The following SH3KBP1 variants were observed in gnomAD, a reference collection of about 807,000 sequenced individuals.
The protein encoded by SH3KBP1 is SH3 domain containing kinase binding protein 1.
SH3KBP1 carries 8 observed loss-of-function variants against 50.1 expected under a neutral mutation model. That is an observed-to-expected ratio of 0.16 (90% confidence interval 0.09 to 0.29). The LOEUF (loss-of-function observed/expected upper bound fraction) is 0.29, where lower values mean the gene tolerates loss of function less well. SH3KBP1 is among the 10% of genes least tolerant of loss of function. The pLI is 1.00. For synonymous variants in SH3KBP1, 227 were observed against 218.6 expected, an observed-to-expected ratio of 1.04 and a Z score of -0.34; for missense variants, 377 against 535.2, an observed-to-expected ratio of 0.70 and a Z score of 2.92.
rs188621089 is a variant in SH3KBP1, at chrX:19,623,456, C to T, written c.897+8408G>A. 4.8e-3 allele frequency among the ~76,000 whole-genome samples: 533 copies of T among 112,069 alleles called. 1 individual carries two copies. Among genetic ancestry groups the T allele is most frequent in the Middle Eastern group, 0.018 (4 of 219 alleles). On this transcript the variant is annotated intron_variant, in intron 8 of 17. Transcript: ENST00000397821. ...ATCCCAGCACTTTGGGAGGCCCAGG[C>T]GGGCGGATCACCCGAGGTCAGGAGT...
chrX:19,772,902 G>A (rs1273291585), intron 2 of SH3KBP1, among the ~76,000 whole-genome samples: 1 of 111,621 alleles, frequency 9.0e-6, no homozygotes, highest in Non-Finnish European at 1.9e-5. Flanking sequence ...ACCCATTTTT[G>A]CTAAGTGTAA....
chrX:19,646,901 G>A (rs886114179), intron 6 of SH3KBP1, among the ~76,000 whole-genome samples: 20 of 112,058 alleles, frequency 1.8e-4, no homozygotes, highest in East Asian at 5.6e-4. Context: ...CTAAACTGCC[G>A]CTAAGTACTC....
chrX:19,788,466 C>T (rs2066431969), intron 2 of SH3KBP1, among the ~76,000 whole-genome samples: 1 of 110,220 alleles, frequency 9.1e-6, no homozygotes, highest in Non-Finnish European at 1.9e-5. Context: ...AAGGAACCAA[C>T]CCTGCCCACA....
chrX:19,599,456 A>T (rs1253479571), intron 9 of SH3KBP1, among the ~76,000 whole-genome samples: 1 of 112,211 alleles, frequency 8.9e-6, no homozygotes, highest in Non-Finnish European at 1.9e-5. Flanking sequence ...TGAATGTGGC[A>T]AAGGACAGAG....
chrX:19,605,917 G>C (rs2067231415), intron 9 of SH3KBP1, among the ~76,000 whole-genome samples: 1 of 111,952 alleles, frequency 8.9e-6, no homozygotes, highest in Admixed American at 9.5e-5. Flanking sequence ...TATTTCTAAT[G>C]GCTATTTATC....
intron 6 of SH3KBP1, chrX:19,670,961 A>ACTGTT (rs2062778807): frequency 2.7e-6 from 3 of 1,125,941 alleles, no homozygotes; most frequent in Non-Finnish European, 3.5e-6. Context: ...ACGGAGCCTG[A>ACTGTT]GGACCCAGCC....
At chrX:19,736,182 T>C (rs1167016029) in intron 3 of SH3KBP1, among the ~76,000 whole-genome samples, 1 of 112,397 alleles carries the variant, frequency 8.9e-6, no homozygotes, top group Admixed American at 9.4e-5. Context: ...TTACTACTTT[T>C]AATAGCAATT....
intron 16 of SH3KBP1, among the ~76,000 whole-genome samples, chrX:19,541,673 C>G (rs1361024843): frequency 8.9e-6 from 1 of 112,570 alleles, no homozygotes; most frequent in Non-Finnish European, 1.9e-5. Context: ...CTGCAATGGA[C>G]TCATCCCTCT....
chrX:19,537,463 G>GAAA lies in SH3KBP1; in HGVS notation c.1956+251_1956+253dup, dbSNP rs367732402. Among the ~76,000 whole-genome samples the GAAA allele has an allele frequency of 5.1e-4, 34 of 66,761 alleles. 1 individual carries two copies. Among genetic ancestry groups the GAAA allele is most frequent in the Middle Eastern group, 0.01 (1 of 100 alleles). The allele number at this position is 66,761 out of a possible 115,157, so 58.0% of individuals were successfully genotyped here. ...ACAGAGCGAGACTCCGTCTCAAAAAGAAAAAAAAAAAAAAAAAGATAAATT... is the reference window on the plus strand; with the variant it reads ...ACAGAGCGAGACTCCGTCTCAAAAAGAAAAAAAAAAAAAAAAAAAAGATAAATT... On this transcript the variant is annotated intron_variant, in intron 17 of 17. Coordinates refer to ENST00000397821, the MANE Select transcript of SH3KBP1 (RefSeq NM_031892.3).
Position 19,887,453 on chromosome X carries a change from T to TGGCGGC in SH3KBP1, c.-149_-144dup, listed in dbSNP as rs1395148936. 2 of 438,786 alleles carry TGGCGGC rather than the reference T, an allele frequency of 4.6e-6. No homozygotes were observed. The allele number at this position is 438,786 out of a possible 1,213,427, so 36.2% of individuals were successfully genotyped here. On this transcript the variant is annotated 5_prime_UTR_variant, in exon 1 of 18. Transcript: ENST00000397821. ...GCGGCTGGGCCGGCTTCTTCCTCAG[T>TGGCGGC]GGCGGCGGCGGCGGCTCAGCGCCGC...
intron 3 of SH3KBP1, among the ~76,000 whole-genome samples, chrX:19,714,453 G>A (rs1385053944): frequency 1.8e-5 from 2 of 110,243 alleles, no homozygotes; most frequent in Non-Finnish European, 3.8e-5. Flanking sequence ...AATATCTCAT[G>A]TATCCCATAA....
intron 6 of SH3KBP1, chrX:19,670,415 T>C (rs1226677342): frequency 5.4e-6 from 4 of 735,077 alleles, no homozygotes; most frequent in East Asian, 1.5e-4. Flanking sequence ...CTCTCTAAGC[T>C]AACCTGAAAA....
Position 19,615,150 on chromosome X carries a change from A to C in SH3KBP1, c.898-7105T>G, listed in dbSNP as rs186393008. Among the ~76,000 whole-genome samples the C allele has an allele frequency of 1.2e-4, 14 of 112,703 alleles. No homozygotes were observed. In the East Asian group the frequency reaches 3.6e-3, roughly 29 times the overall value. ...GTGGCAAAAACTTTAAAATTACCCC[A>C]AAAAGGAAGGCTACATTTTCTCAGG... On this transcript the variant is annotated intron_variant, in intron 8 of 17. Coordinates refer to ENST00000397821, the MANE Select transcript of SH3KBP1 (RefSeq NM_031892.3).
chrX:19,615,899 G>C (rs1256462888), intron 8 of SH3KBP1, among the ~76,000 whole-genome samples: 1 of 109,284 alleles, frequency 9.2e-6, no homozygotes, highest in African/African-American at 3.4e-5. Flanking sequence ...GGATAACTAA[G>C]GCTTAGGCAG....
At chrX:19,582,177 G>C (rs1199740181) in intron 12 of SH3KBP1, among the ~76,000 whole-genome samples, 1 of 112,292 alleles carries the variant, frequency 8.9e-6, no homozygotes, top group Non-Finnish European at 1.9e-5. Flanking sequence ...CCTTCTCATT[G>C]AATGGTCCGC....
intron 2 of SH3KBP1, among the ~76,000 whole-genome samples, chrX:19,793,314 ATATAT>A (rs1438550932): frequency 2.4e-5 from 2 of 82,583 alleles, no homozygotes; most frequent in African/African-American, 5.4e-5. Context: ...GGAAAAAAAA[ATATAT>A]ATATATATAT....
chrX:19,863,916 C>T (rs2068840016), intron 1 of SH3KBP1, among the ~76,000 whole-genome samples: 1 of 111,812 alleles, frequency 8.9e-6, no homozygotes, highest in Admixed American at 9.4e-5. Flanking sequence ...TGTAATCAAC[C>T]CCATCTTCTA....
rs1279065135 is a variant in SH3KBP1, at chrX:19,569,158, G to A, written c.1329C>T (p.Gly443=). ...TGTCCAGGATGCCAGATAGCGAACT[G>A]CCGGCCAAGTCAATCTTTGGACTGT... ...RGDSPKIDLA[G]SSLSGILDKD... Residue 443 remains glycine, a synonymous_variant, in exon 13 of 18, where the codon GGC becomes GGT. Transcript: ENST00000397821. The A allele has an allele frequency of 1.7e-6, 2 of 1,211,072 alleles. No individual in the cohort carries two copies. Among genetic ancestry groups the A allele is most frequent in the Admixed American group, 4.3e-5 (2 of 46,088 alleles).
At chrX:19,610,875 C>A (rs766580765) in intron 8 of SH3KBP1, among the ~76,000 whole-genome samples, 1 of 110,253 alleles carries the variant, frequency 9.1e-6, no homozygotes, top group Admixed American at 9.6e-5. Context: ...AAAAGGCATT[C>A]AAAAAAAAAC....
Sources: gnomAD v4.1 joint callset for allele counts (sites outside exome capture counted in the v4.1 genomes callset) on GRCh38, gnomAD v4.1.1 for gene constraint, MANE v1.5 for transcripts, NCBI Gene and HGNC (gene_info 2026-07-23, HGNC 2026-07-21) for gene names.